MGAT5B: variants seen among roughly 807,000 people sequenced by gnomAD.
MGAT5B encodes alpha-1,6-mannosylglycoprotein 6-beta-N-acetylglucosaminyltransferase B, also known as N-acetylglucosaminyl-transferase Vb.
In MGAT5B, 54 loss-of-function variants were observed where a neutral mutation model predicts 95.1. That is an observed-to-expected ratio of 0.57 (90% CI 0.46 to 0.71). The LOEUF is 0.71. Ranked by LOEUF, MGAT5B falls within the 30% of genes least tolerant of loss-of-function variation. The pLI, the probability that MGAT5B is intolerant of heterozygous loss-of-function variation, is 0.00. For synonymous variants in MGAT5B, 464 were observed against 451.0 expected (o/e 1.03, Z -0.36); for missense variants, 935 against 1,088.6 (o/e 0.86, Z 1.99).
chr17:76,925,114 A>T lies in MGAT5B; in HGVS notation c.1157+17A>T. 1 of 1,610,054 alleles carries T rather than the reference A, an allele frequency of 6.2e-7. No individual in the cohort carries two copies. Among genetic ancestry groups the T allele is most frequent in the South Asian group, 1.1e-5 (1 of 90,992 alleles). On this transcript the variant is annotated intron_variant, in intron 9 of 17. Coordinates refer to ENST00000569840, the MANE Select transcript of MGAT5B (RefSeq NM_001199172.2). ...GAAGTACCGGTGAGAGGGCGGCCAGAGGGTGGGCACGTGGCCCACATGCCA... is the reference window on the plus strand; with the variant it reads ...GAAGTACCGGTGAGAGGGCGGCCAGTGGGTGGGCACGTGGCCCACATGCCA...
intron 2 of MGAT5B, among the ~76,000 whole-genome samples, chr17:76,880,352 A>G (rs1967364022): frequency 6.6e-6 from 1 of 152,158 alleles, no homozygotes; most frequent in Admixed American, 6.5e-5. Context: ...TTCTGACCTC[A>G]GGCGGGTTCA....
chr17:76,875,923 G>A (rs1441378435), intron 2 of MGAT5B, among the ~76,000 whole-genome samples: 1 of 151,930 alleles, frequency 6.6e-6, no homozygotes, highest in African/African-American at 2.4e-5. Flanking sequence ...ACATTTCCCA[G>A]GCCTCAGAAG....
rs1474510450 is a variant in MGAT5B, at chr17:76,938,686, C to T, written c.1584+543C>T. On this transcript the variant is annotated intron_variant, in intron 13 of 17. Coordinates refer to ENST00000569840, the MANE Select transcript of MGAT5B (RefSeq NM_001199172.2). This position sits in a 1 kb window ranked among gnomAD's most constrained non-coding sequence, Gnocchi z 4.3. Reference sequence around the variant, plus strand: ...GCCAGCTTCTAGGCACCCCCTCACCCTCTTTTTTATGAGACAGGGTCTTGC... The same window carrying T: ...GCCAGCTTCTAGGCACCCCCTCACCTTCTTTTTTATGAGACAGGGTCTTGC... Among the ~76,000 whole-genome samples, 1 of 152,114 alleles carries T rather than the reference C, an allele frequency of 6.6e-6. No homozygotes were observed. Among genetic ancestry groups the T allele is most frequent in the African/African-American group, 2.4e-5 (1 of 41,424 alleles).
rs142049527 is a variant in MGAT5B at position 76,909,656 on chromosome 17, C to A, written c.1025+3469C>A. Among the ~76,000 whole-genome samples, 842 of 152,304 alleles carry A rather than the reference C, an allele frequency of 5.5e-3. 9 individuals carry two copies. Among genetic ancestry groups the A allele is most frequent in the African/African-American group, 0.02 (820 of 41,550 alleles). ...ACTCAGTTTCTGCCTTTCTTCGCTG[C>A]AACTCAGAGTCTGCCAGTAACTCAG... On this transcript the variant is annotated intron_variant, in intron 8 of 17. Coordinates refer to ENST00000569840, the MANE Select transcript of MGAT5B (RefSeq NM_001199172.2).
chr17:76,905,044 A>G lies in MGAT5B; in HGVS notation c.691-125A>G. 1 of 1,041,646 alleles carries G rather than the reference A, an allele frequency of 9.6e-7. No individual in the cohort carries two copies. The highest frequency in any genetic ancestry group is 1.3e-6 in the Non-Finnish European group (1 of 742,840). The allele number at this position is 1,041,646 out of a possible 1,614,324, so 64.5% of individuals were successfully genotyped here. A position where few individuals can be genotyped will look rare whatever the true frequency, so the allele number is the denominator to read the frequency against. ...TTGGGGGCTAATGAGCCCCTTAGAA[A>G]GTGCAGGAGAAGCTGGAGCAGGCCC... On this transcript the variant is annotated intron_variant, in intron 6 of 17. Coordinates refer to ENST00000569840, the MANE Select transcript of MGAT5B (RefSeq NM_001199172.2). The surrounding 1 kb of genome is among the most constrained non-coding windows in gnomAD (Gnocchi z 4.2).
chr17:76,892,502 A>G lies in MGAT5B; in HGVS notation c.330-10053A>G, dbSNP rs1967910616. Among the ~76,000 whole-genome samples, 3 of 152,368 alleles carry G rather than the reference A, an allele frequency of 2.0e-5. No homozygotes were observed. The South Asian group carries it at 6.2e-4, about 32-fold the overall frequency. The stretch of plus-strand genomic sequence containing the variant: ...AGGCTGGTCCTGGGGCTCCAGATGC[A>G]GGGCACTGGCACAGAACATTTGGGA... On this transcript the variant is annotated intron_variant, in intron 3 of 17. Coordinates refer to ENST00000569840, the MANE Select transcript of MGAT5B (RefSeq NM_001199172.2).
rs954351632 is a variant in MGAT5B at position 76,926,597 on chromosome 17, G to A, written c.1158G>A (p.Arg386=). ...RHMGLSFKKY[R]CRIRVIDTFG... ...GGTTCCTGGTCCCCTGGGGGGGCAG[G>A]TGCCGAATCAGGGTCATCGACACCT... Residue 386 remains arginine, a splice_region_variant and synonymous_variant, in exon 10 of 18, where the codon CGG becomes CGA. Transcript: ENST00000569840. 8 of 1,609,016 alleles carry A rather than the reference G, an allele frequency of 5.0e-6. No individual in the cohort carries two copies. Among genetic ancestry groups the A allele is most frequent in the Middle Eastern group, 1.7e-4 (1 of 5,986 alleles).
chr17:76,878,941 G>A (rs1355904837), intron 2 of MGAT5B, among the ~76,000 whole-genome samples: 2 of 152,270 alleles, frequency 1.3e-5, no homozygotes, highest in East Asian at 3.9e-4. Context: ...AGAGAAGGAC[G>A]GTGACCTGCT....
intron 8 of MGAT5B, among the ~76,000 whole-genome samples, chr17:76,909,336 C>G (rs966950498): frequency 4.6e-5 from 7 of 152,196 alleles, no homozygotes; most frequent in African/African-American, 1.4e-4. Context: ...AAACCAACCT[C>G]TCTTTATCCC....
In MGAT5B at chr17:76,946,435, C is replaced by A; in HGVS notation, c.1908C>A (p.Ala636=). Residue 636 remains alanine (A), a synonymous_variant, in exon 16 of 18, where the codon GCC becomes GCA. Coordinates refer to ENST00000569840, the MANE Select transcript of MGAT5B (RefSeq NM_001199172.2). The part of the protein sequence containing the change: ...TCEGMLERIH[A]YIQHQDFCRA... The stretch of plus-strand genomic sequence containing the variant: ...AGGGGATGCTGGAGCGGATCCACGC[C>A]TACATCCAGCACCAGGTCAGTGAGC... 6.3e-7 allele frequency: 1 copy of A among 1,597,066 alleles called. No individual in the cohort carries two copies. Among genetic ancestry groups the A allele is most frequent in the Non-Finnish European group, 8.5e-7 (1 of 1,171,146 alleles).
rs910252236 is a variant in MGAT5B, at chr17:76,889,912, G to A, written c.329+7614G>A. On this transcript the variant is annotated intron_variant, in intron 3 of 17. Transcript: ENST00000569840. The surrounding 1 kb of genome is among the most constrained non-coding windows in gnomAD (Gnocchi z 4.4). Reference sequence around the variant, plus strand: ...GGAGGTGGGACCCTTCAGGCTGCAAGTATGTCCTGTTGGCCCTGAGGGCTT... The same window carrying A: ...GGAGGTGGGACCCTTCAGGCTGCAAATATGTCCTGTTGGCCCTGAGGGCTT... Among the ~76,000 whole-genome samples the A allele has an allele frequency of 1.3e-5, 2 of 152,224 alleles. No homozygotes were observed. Among genetic ancestry groups the A allele is most frequent in the East Asian group, 1.9e-4 (1 of 5,188 alleles).
rs527559220 is a variant in MGAT5B, at chr17:76,940,981, C to T, written c.1848+133C>T. On this transcript the variant is annotated intron_variant, in intron 15 of 17. Transcript: ENST00000569840. This position sits in a 1 kb window ranked among gnomAD's most constrained non-coding sequence, Gnocchi z 4.3. ...TGGGTTGGCAAAGGTGTCCATCCCT[C>T]CCCTGGTCAGACACAGCCCTGAGCC... The T allele has an allele frequency of 5.5e-4, 375 of 681,948 alleles. 2 individuals are homozygous for T. The African/African-American group carries it at 6.1e-3, about 11-fold the overall frequency. 42.2% of individuals were successfully genotyped at this position (681,948 alleles called of 1,614,324 possible).
At position 76,905,403 on chromosome 17, in the gene MGAT5B, G is replaced by C. The variant is rs1000186979; in HGVS notation, c.855+70G>C. 1.5e-6 allele frequency: 2 copies of C among 1,333,132 alleles called. No individual in the cohort carries two copies. The highest frequency in any genetic ancestry group is 2.6e-5 in the Admixed American group (1 of 37,810). The allele number at this position is 1,333,132 out of a possible 1,614,324, so 82.6% of individuals were successfully genotyped here. ...AGGGCCCCCACTTCTGAGTGGGCAT[G>C]GAATAGGTCTTCAAACAAGCTGTAG... On this transcript the variant is annotated intron_variant, in intron 7 of 17. Transcript: ENST00000569840. This position sits in a 1 kb window ranked among gnomAD's most constrained non-coding sequence, Gnocchi z 4.2.
intron 2 of MGAT5B, among the ~76,000 whole-genome samples, chr17:76,877,876 G>A (rs533257059): frequency 5.3e-4 from 80 of 152,150 alleles, no homozygotes; most frequent in Non-Finnish European, 7.9e-4. Flanking sequence ...GACGAAGAGC[G>A]TCTGGGGAGG....
chr17:76,923,995 G>T (rs989765723), intron 8 of MGAT5B: 1 of 152,320 alleles, frequency 6.6e-6, no homozygotes, highest in South Asian at 2.1e-4. Context: ...ATAAGTGACC[G>T]GATGCCTCGT....
chr17:76,938,262 C>T lies in MGAT5B; in HGVS notation c.1584+119C>T. 7.5e-7 allele frequency: 1 copy of T among 1,333,470 alleles called. No homozygotes were observed. Among genetic ancestry groups the T allele is most frequent in the Non-Finnish European group, 1.0e-6 (1 of 970,078 alleles). The allele number at this position is 1,333,470 out of a possible 1,614,324, so 82.6% of individuals were successfully genotyped here. On this transcript the variant is annotated intron_variant, in intron 13 of 17. Coordinates refer to ENST00000569840, the MANE Select transcript of MGAT5B (RefSeq NM_001199172.2). The surrounding 1 kb of genome is among the most constrained non-coding windows in gnomAD (Gnocchi z 4.3). ...ACATATGGACATACCCCAGCATGCT[C>T]TGCTGCCCTGAGCCCCACATCTGGC...
intron 3 of MGAT5B, among the ~76,000 whole-genome samples, chr17:76,895,306 G>C (rs1452558111): frequency 2.0e-5 from 3 of 151,788 alleles, no homozygotes; most frequent in African/African-American, 7.3e-5. Flanking sequence ...TCTACGTGGT[G>C]GTGAGTTGTA....
chr17:76,925,201 G>T, intron 9 of MGAT5B, 104 bp downstream of exon 9: 2 of 1,428,514 alleles, frequency 1.4e-6, no homozygotes, highest in Non-Finnish European at 1.9e-6. Flanking sequence ...CTGGGCCCAG[G>T]TGGGAGAACA....
At chr17:76,883,015 A>AT (rs978233623) in intron 3 of MGAT5B, among the ~76,000 whole-genome samples, 4 of 150,526 alleles carry the variant, frequency 2.7e-5, no homozygotes, top group African/African-American at 4.9e-5. Flanking sequence ...TAAAAAAAAA[A>AT]TTTTTTTTTG....
Sources: gnomAD v4.1 joint callset for allele counts (sites outside exome capture counted in the v4.1 genomes callset) on GRCh38, gnomAD v4.1.1 for gene constraint, Gnocchi (gnomAD v3.1) non-coding constraint, MANE v1.5 for transcripts, NCBI Gene and HGNC (gene_info 2026-07-23, HGNC 2026-07-21) for gene names.